CBFB: variants seen among roughly 807,000 people sequenced by gnomAD.
CBFB encodes the protein CBF-beta.
A neutral mutation model predicts 30.4 loss-of-function variants in CBFB; 9 were observed. The ratio of observed to expected loss-of-function variants is 0.30; its 90% CI spans 0.18 to 0.52. The LOEUF (loss-of-function observed/expected upper bound fraction) is 0.52. Among genes scored for constraint, CBFB ranks in the 20% least tolerant of loss-of-function variants. The pLI is 0.97. For missense variants in CBFB, 170 were observed against 244.0 expected (o/e 0.70, Z 2.02); for synonymous variants, 94 against 84.0 (o/e 1.12, Z -0.65).
intron 4 of CBFB, among the ~76,000 whole-genome samples, chr16:67,073,697 G>A (rs142793942): frequency 1.1e-4 from 17 of 152,246 alleles, no homozygotes; most frequent in Admixed American, 2.0e-4. Context: ...AGCCGAGATC[G>A]TGCCATTGCA....
At chr16:67,082,070 C>T (rs531822147) in intron 4 of CBFB, 143 bp from the exon 5 acceptor site, 13 of 451,698 alleles carry the variant, frequency 2.9e-5, no homozygotes, top group African/African-American at 1.8e-4. Flanking sequence ...CTGCCCGCCT[C>T]GGCCTCCCAA....
At chr16:67,052,591 T>A (rs1038660261) in intron 3 of CBFB, among the ~76,000 whole-genome samples, 1 of 150,644 alleles carries the variant, frequency 6.6e-6, no homozygotes, top group South Asian at 2.1e-4. Flanking sequence ...AAAAAAAAAA[T>A]GCCTGCTAGA....
At chr16:67,072,820 G>T (rs1015789561) in intron 4 of CBFB, among the ~76,000 whole-genome samples, 1 of 151,408 alleles carries the variant, frequency 6.6e-6, no homozygotes, top group Non-Finnish European at 1.5e-5. Flanking sequence ...GCTCAGGCCA[G>T]AGTGCAGTGG....
intron 3 of CBFB, among the ~76,000 whole-genome samples, chr16:67,038,270 A>G (rs928008022): frequency 1.3e-5 from 2 of 150,938 alleles, no homozygotes; most frequent in African/African-American, 4.9e-5. Context: ...GAAATATTTA[A>G]TTTAATCTTG....
intron 3 of CBFB, among the ~76,000 whole-genome samples, chr16:67,055,338 A>G (rs369370782): frequency 3.1e-4 from 40 of 130,520 alleles, no homozygotes; most frequent in Admixed American, 4.6e-4. Flanking sequence ...TATTAAATCT[A>G]TTGAATTCCA....
At chr16:67,088,043 A>C (rs1961777590) in intron 5 of CBFB, among the ~76,000 whole-genome samples, 1 of 152,222 alleles carries the variant, frequency 6.6e-6, no homozygotes, top group South Asian at 2.1e-4. Context: ...GCATAGAGAA[A>C]AGAGTTATAT....
chr16:67,082,875 C>G (rs1203658688), intron 5 of CBFB, among the ~76,000 whole-genome samples: 1 of 152,084 alleles, frequency 6.6e-6, no homozygotes, highest in African/African-American at 2.4e-5. Flanking sequence ...GCTTCCTTTG[C>G]TGGTTTACTT....
intron 5 of CBFB, among the ~76,000 whole-genome samples, chr16:67,085,920 T>C (rs1005963117): frequency 3.3e-5 from 5 of 152,060 alleles, no homozygotes; most frequent in Admixed American, 1.3e-4. Context: ...CCTCGTGATC[T>C]GCCCGCCTTG....
At position 67,050,002 on chromosome 16, in the gene CBFB, A is replaced by G. The variant is rs1966709459; in HGVS notation, c.282+13247A>G. Among the ~76,000 whole-genome samples, 9 of 151,938 alleles carry G rather than the reference A, an allele frequency of 5.9e-5. No homozygotes were observed. In the South Asian group the frequency reaches 1.9e-3, roughly 31 times the overall value. On this transcript the variant is annotated intron_variant, in intron 3 of 5. Coordinates refer to ENST00000412916, the MANE Select transcript of CBFB (RefSeq NM_022845.3). ...CCTGGTACAGCCAGGACCCAGACCC[A>G]CTTATTTTTTACCCCTAAGTCTGTT...
At chr16:67,030,718 G>A (rs949706455) in intron 2 of CBFB, among the ~76,000 whole-genome samples, 2 of 152,110 alleles carry the variant, frequency 1.3e-5, no homozygotes, top group African/African-American at 4.8e-5. Flanking sequence ...TCCTGCCTCA[G>A]CCTCCTGAGT....
At chr16:67,043,349 G>A (rs1482034485) in intron 3 of CBFB, among the ~76,000 whole-genome samples, 3 of 152,118 alleles carry the variant, frequency 2.0e-5, no homozygotes, top group Admixed American at 2.0e-4. Flanking sequence ...TTAAGAAAAT[G>A]GGCTCATAGA....
At chr16:67,065,725 G>A (rs973034509) in intron 3 of CBFB, among the ~76,000 whole-genome samples, 2 of 151,896 alleles carry the variant, frequency 1.3e-5, no homozygotes, top group African/African-American at 4.8e-5. Flanking sequence ...ATTTCAACAG[G>A]GAGTTGAAAT....
At chr16:67,064,298 C>T (rs1960993123) in intron 3 of CBFB, among the ~76,000 whole-genome samples, 1 of 152,310 alleles carries the variant, frequency 6.6e-6, no homozygotes, top group Middle Eastern at 3.4e-3. Context: ...CCTCTGCCTC[C>T]TGGGTTCAAG....
intron 4 of CBFB, among the ~76,000 whole-genome samples, chr16:67,071,064 A>G (rs142587569): frequency 1.3e-5 from 2 of 152,280 alleles, no homozygotes; most frequent in African/African-American, 4.8e-5. Flanking sequence ...TATACAGTGT[A>G]TAGTAAAAAA....
chr16:67,048,903 C>T (rs1332967872), intron 3 of CBFB, among the ~76,000 whole-genome samples: 2 of 149,220 alleles, frequency 1.3e-5, no homozygotes, highest in East Asian at 2.0e-4. Context: ...TCACCACGAC[C>T]TCCACCTCCC....
At chr16:67,038,704 A>AT (rs1966483577) in intron 3 of CBFB, among the ~76,000 whole-genome samples, 3 of 150,382 alleles carry the variant, frequency 2.0e-5, no homozygotes, top group Non-Finnish European at 4.4e-5. Flanking sequence ...TGAAGAAATT[A>AT]TTTTTTTTCT....
intron 5 of CBFB, among the ~76,000 whole-genome samples, chr16:67,096,790 CAAAG>C (rs1415685215): frequency 1.3e-5 from 2 of 151,152 alleles, no homozygotes; most frequent in East Asian, 2.0e-4. Context: ...CTGGCTAACA[CAAAG>C]AAACCCCATC....
At chr16:67,081,679 G>C (rs1961559945) in intron 4 of CBFB, among the ~76,000 whole-genome samples, 1 of 151,964 alleles carries the variant, frequency 6.6e-6, no homozygotes, top group African/African-American at 2.4e-5. Context: ...AGTGGTGCGT[G>C]CCTGTAGTCC....
chr16:67,037,163 T>C (rs1050940495), intron 3 of CBFB, among the ~76,000 whole-genome samples: 33 of 152,208 alleles, frequency 2.2e-4, no homozygotes, highest in Admixed American at 1.9e-3. Context: ...TCCCAAAGTG[T>C]TGGGATTACA....
Sources: gnomAD v4.1 joint callset for allele counts (sites outside exome capture counted in the v4.1 genomes callset) on GRCh38, gnomAD v4.1.1 for gene constraint, MANE v1.5 for transcripts, NCBI Gene and HGNC (gene_info 2026-07-23, HGNC 2026-07-21) for gene names.